Variants in TTC28 observed in about 807,000 individuals in gnomAD.
TTC28 encodes tetratricopeptide repeat domain 28.
TTC28 carries 61 observed loss-of-function variants against 198.0 expected under a neutral mutation model. The observed-to-expected ratio is 0.31, with a 90% CI of 0.25 to 0.38. The LOEUF (loss-of-function observed/expected upper bound fraction) is 0.38, where lower values mean the gene tolerates loss of function less well. TTC28 is among the 10% of genes least tolerant of loss of function. TTC28 has a pLI of 1.00. For missense variants in TTC28, 2,678 were observed against 3,164.0 expected (o/e 0.85, Z 3.69); for synonymous variants, 1,171 against 1,297.8 (o/e 0.90, Z 2.10).
At chr22:28,116,106 C>G (rs1942620877) in intron 6 of TTC28, among the ~76,000 whole-genome samples, 1 of 152,176 alleles carries the variant, frequency 6.6e-6, no homozygotes, top group African/African-American at 2.4e-5. Flanking sequence ...AAGACTCCCC[C>G]TGATGCTAAC....
rs34208241 is a variant in TTC28 at position 28,601,777 on chromosome 22, GACACACAC to G, written c.381+27767_381+27774del. ...AAGATTCACAGCAGAGTAAACCCTAGACACACACACACACACACACACACACACACACA... is the reference window on the plus strand; with the variant it reads ...AAGATTCACAGCAGAGTAAACCCTAGACACACACACACACACACACACACA... On this transcript the variant is annotated intron_variant, in intron 2 of 22. Transcript: ENST00000397906. Among the ~76,000 whole-genome samples, 1,409 of 141,546 alleles carry G rather than the reference GACACACAC, an allele frequency of 1.0e-2. 24 individuals are homozygous for G. Among genetic ancestry groups the G allele is most frequent in the African/African-American group, 0.034 (1,306 of 38,206 alleles). The allele number at this position is 141,546 out of a possible 152,430, so 92.9% of individuals were successfully genotyped here.
chr22:28,399,171 A>T (rs1029656017), intron 2 of TTC28, among the ~76,000 whole-genome samples: 2 of 151,876 alleles, frequency 1.3e-5, no homozygotes, highest in African/African-American at 4.8e-5. Flanking sequence ...AAATTTCTTA[A>T]CTTCTGGGGA....
intron 2 of TTC28, among the ~76,000 whole-genome samples, chr22:28,437,236 C>T (rs1374778485): frequency 6.6e-6 from 1 of 152,066 alleles, no homozygotes; most frequent in Admixed American, 6.5e-5. Context: ...GCATGCACCA[C>T]TATTCCTGGC....
chr22:28,506,733 C>T (rs1397724724), intron 2 of TTC28, among the ~76,000 whole-genome samples: 1 of 152,236 alleles, frequency 6.6e-6, no homozygotes, highest in African/African-American at 2.4e-5. Flanking sequence ...TGCTGTTTCA[C>T]AGCCTTCACT....
At chr22:28,677,389 G>A (rs1301249823) in intron 1 of TTC28, among the ~76,000 whole-genome samples, 1 of 152,052 alleles carries the variant, frequency 6.6e-6, no homozygotes, top group Non-Finnish European at 1.5e-5. Context: ...GCTCACGCCT[G>A]TAATTCCAGC....
chr22:28,003,563 T>C (rs1054069513), intron 14 of TTC28, among the ~76,000 whole-genome samples: 3 of 152,112 alleles, frequency 2.0e-5, no homozygotes, highest in Non-Finnish European at 2.9e-5. Flanking sequence ...TTCTGTCAGA[T>C]ATCATCCCAC....
intron 5 of TTC28, among the ~76,000 whole-genome samples, chr22:28,193,106 C>T (rs959290394): frequency 6.6e-6 from 1 of 152,212 alleles, no homozygotes; most frequent in African/African-American, 2.4e-5. Flanking sequence ...AGAAACTCTA[C>T]AAGCCAGAAA....
chr22:28,597,817 G>A (rs188208022), intron 2 of TTC28, among the ~76,000 whole-genome samples: 168 of 152,054 alleles, frequency 1.1e-3, no homozygotes, highest in African/African-American at 3.8e-3. Flanking sequence ...GGAGGGAGAG[G>A]GTTTTGCTCT....
At chr22:28,199,383 T>A (rs1270553947) in intron 5 of TTC28, among the ~76,000 whole-genome samples, 1 of 118,500 alleles carries the variant, frequency 8.4e-6, no homozygotes, top group East Asian at 2.5e-4. Flanking sequence ...ACATTAAAAA[T>A]TATATATATA....
At chr22:28,637,399 A>G (rs889814494) in intron 1 of TTC28, among the ~76,000 whole-genome samples, 11 of 152,216 alleles carry the variant, frequency 7.2e-5, no homozygotes, top group African/African-American at 2.4e-4. Context: ...TGTGATAGCC[A>G]GTTTTCCCAG....
Position 27,985,243 on chromosome 22 carries a change from T to G in TTC28, c.5815+6A>C, listed in dbSNP as rs1315250690. On this transcript the variant is annotated splice_donor_region_variant and intron_variant, in intron 22 of 22. Transcript: ENST00000397906. ...GTGGAGAACTGGTCTGAGGGCAGGC[T>G]CTTACCAAACAGAGACAGCAGGGAC... is the stretch of plus-strand genomic sequence containing the variant. The G allele has an allele frequency of 6.5e-7, 1 of 1,549,904 alleles. No individual in the cohort carries two copies. The highest frequency in any genetic ancestry group is 2.0e-5 in the Admixed American group (1 of 50,974).
chr22:28,229,559 T>C (rs888452464), intron 5 of TTC28, among the ~76,000 whole-genome samples: 1 of 152,242 alleles, frequency 6.6e-6, no homozygotes, highest in African/African-American at 2.4e-5. Flanking sequence ...TATCCTTCTA[T>C]TTTAACAATA....
chr22:28,400,306 G>A (rs1370416268), intron 2 of TTC28, among the ~76,000 whole-genome samples: 2 of 152,198 alleles, frequency 1.3e-5, no homozygotes, highest in Non-Finnish European at 2.9e-5. Context: ...CTTTGCCAGT[G>A]TGTACGGCTC....
At position 28,629,719 on chromosome 22, in the gene TTC28, C is replaced by T. The variant is rs1281734270; in HGVS notation, c.214G>A (p.Gly72Arg). The T allele has an allele frequency of 1.3e-6, 2 of 1,551,686 alleles. No homozygotes were observed. The highest frequency in any genetic ancestry group is 2.0e-5 in the Admixed American group (1 of 51,004). The change falls in exon 2 of 23, where the codon GGA (glycine) becomes AGA (arginine). Residue 72 changes from glycine to arginine, a missense_variant. Gly to Arg is a moderately radical substitution (Grantham distance 125). This residue lies in a region of TTC28 where 176 missense variants were observed against 197.9 expected (regional missense o/e 0.89). Coordinates refer to ENST00000397906, the MANE Select transcript of TTC28 (RefSeq NM_001145418.2). ...AGAACAATAGCTGTGTGGAAATCTCCATCATGACAGGCCTGATTACTCTGA... is the reference window on the plus strand; with the variant it reads ...AGAACAATAGCTGTGTGGAAATCTCTATCATGACAGGCCTGATTACTCTGA... The part of the protein sequence containing the change: ...VRQSNQACHD[G>R]DFHTAIVLYN...
At chr22:28,641,669 C>T (rs145539775) in intron 1 of TTC28, among the ~76,000 whole-genome samples, 19 of 152,140 alleles carry the variant, frequency 1.2e-4, no homozygotes, top group Admixed American at 3.3e-4. Flanking sequence ...GTGTGAATTG[C>T]ATCTCAATTA....
At chr22:28,285,135 T>C (rs543681411) in intron 5 of TTC28, among the ~76,000 whole-genome samples, 6 of 152,310 alleles carry the variant, frequency 3.9e-5, no homozygotes, top group African/African-American at 1.4e-4. Flanking sequence ...TGTGTGTGTG[T>C]GTTTGTGTGT....
intron 12 of TTC28, among the ~76,000 whole-genome samples, chr22:28,035,572 T>C (rs1456714261): frequency 6.6e-6 from 1 of 152,178 alleles, no homozygotes; most frequent in African/African-American, 2.4e-5. Flanking sequence ...GGTGCACAGA[T>C]GACAATACCA....
chr22:28,442,538 G>A (rs544365276), intron 2 of TTC28, among the ~76,000 whole-genome samples: 2 of 152,330 alleles, frequency 1.3e-5, no homozygotes, highest in South Asian at 2.1e-4. Flanking sequence ...ATCCACTCCC[G>A]CCCCACGCCC....
intron 2 of TTC28, among the ~76,000 whole-genome samples, chr22:28,357,735 G>T (rs1263441265): frequency 1.3e-5 from 2 of 152,072 alleles, no homozygotes; most frequent in Admixed American, 6.6e-5. Context: ...AGAGTAACAG[G>T]TGAAAAGTTA....
Sources: gnomAD v4.1 joint callset for allele counts (sites outside exome capture counted in the v4.1 genomes callset) on GRCh38, gnomAD v4.1.1 for gene constraint, gnomAD v4.1.1 regional missense constraint, MANE v1.5 for transcripts, NCBI Gene and HGNC (gene_info 2026-07-23, HGNC 2026-07-21) for gene names.